The following COL5A1 variants were observed in gnomAD, a reference collection of about 807,000 sequenced individuals.
COL5A1 encodes the protein collagen alpha-1(V) chain.
A neutral mutation model predicts 263.7 loss-of-function variants in COL5A1; 16 were observed. The observed-to-expected ratio is 0.06, with a 90% CI of 0.04 to 0.09. COL5A1 has a LOEUF of 0.09. Among genes scored for constraint, COL5A1 ranks in the 10% least tolerant of loss-of-function variants. The pLI is 1.00. For missense variants in COL5A1, 2,036 were observed against 2,540.5 expected (o/e 0.80, Z 4.27); for synonymous variants, 1,012 against 1,004.5 (o/e 1.01, Z -0.14).
At chr9:134,713,876 G>C (rs1834155198) in intron 4 of COL5A1, among the ~76,000 whole-genome samples, 1 of 152,168 alleles carries the variant, frequency 6.6e-6, no homozygotes, top group South Asian at 2.1e-4. Flanking sequence ...GCCCCAGTGT[G>C]GGGTCTTGTC....
intron 2 of COL5A1, 152 bp from the exon 3 acceptor site, chr9:134,699,757 G>C: frequency 1.3e-6 from 1 of 773,076 alleles, no homozygotes; most frequent in Non-Finnish European, 2.2e-6. Flanking sequence ...GGAGCAGTTT[G>C]ATCAAGGGGC....
At chr9:134,654,497 T>TG (rs1831848952) in intron 1 of COL5A1, among the ~76,000 whole-genome samples, 3 of 94,796 alleles carry the variant, frequency 3.2e-5, no homozygotes, top group East Asian at 4.0e-4. Flanking sequence ...TGTGTAGAGC[T>TG]GGTGTGTGTA....
intron 1 of COL5A1, among the ~76,000 whole-genome samples, chr9:134,671,692 G>A (rs962216308): frequency 6.6e-6 from 1 of 152,194 alleles, no homozygotes; most frequent in African/African-American, 2.4e-5. Context: ...GGACAGAGAG[G>A]GGCTTTCATT....
At chr9:134,756,897 T>C in intron 17 of COL5A1, 79 bp downstream of exon 17, 1 of 1,367,914 alleles carries the variant, frequency 7.3e-7, no homozygotes. Context: ...ACCAAAATGC[T>C]GGTTATGTGA....
chr9:134,734,825 A>T (rs868517740), intron 9 of COL5A1, among the ~76,000 whole-genome samples: 2 of 152,162 alleles, frequency 1.3e-5, no homozygotes, highest in Non-Finnish European at 1.5e-5. Flanking sequence ...TTTTGTTTTT[A>T]AAATATGTGC....
At chr9:134,835,874 C>T (rs551713698) in intron 65 of COL5A1, among the ~76,000 whole-genome samples, 16 of 152,330 alleles carry the variant, frequency 1.1e-4, no homozygotes, top group Non-Finnish European at 2.1e-4. Flanking sequence ...CCAGGGCCAT[C>T]GCACAGGTCT....
At chr9:134,774,309 G>T (rs1836973721) in intron 26 of COL5A1, among the ~76,000 whole-genome samples, 1 of 152,214 alleles carries the variant, frequency 6.6e-6, no homozygotes, top group Non-Finnish European at 1.5e-5. Flanking sequence ...TGGAAAGGGG[G>T]CTGGGAGGGA....
chr9:134,784,939 A>AGCCGG, intron 29 of COL5A1, 50 bp from the exon 30 acceptor site: 1 of 1,270,842 alleles, frequency 7.9e-7, no homozygotes. Flanking sequence ...GGTGGAGAAT[A>AGCCGG]GTGTGTGTGC....
In COL5A1 at chr9:134,765,641, CT is replaced by C. The variant is rs764929737; in HGVS notation, c.2035-39del. 1 of 1,585,818 alleles carries C rather than the reference CT, an allele frequency of 6.3e-7. No homozygotes were observed. The highest frequency in any genetic ancestry group is 8.7e-7 in the Non-Finnish European group (1 of 1,154,336). ...GGGACAGAGAGGAGGGCTGGGATTT[CT>C]GCCCGAGTTTAAATCCTATTTTCCC... On this transcript the variant is annotated intron_variant, in intron 20 of 65. Transcript: ENST00000371817. The surrounding 1 kb of genome is among the most constrained non-coding windows in gnomAD (Gnocchi z 5.1).
Position 134,843,933 on chromosome 9 carries a change from T to G in COL5A1, c.*1630T>G, listed in dbSNP as rs1313638865. ...GGTGAGGTCCCCTTTGGGGAACCCT[T>G]TCCTGGCCATCGAGGTCGGGGGGCT... On this transcript the variant is annotated 3_prime_UTR_variant, in exon 66 of 66. Coordinates refer to ENST00000371817, the MANE Select transcript of COL5A1 (RefSeq NM_000093.5). 2.0e-5 allele frequency: 3 copies of G among 152,368 alleles called. No individual in the cohort carries two copies. The highest frequency in any genetic ancestry group is 2.0e-4 in the Admixed American group (3 of 15,288). 9.4% of individuals were successfully genotyped at this position (152,368 alleles called of 1,614,324 possible). A position where few individuals can be genotyped will look rare whatever the true frequency, so the allele number is the denominator to read the frequency against.
chr9:134,665,696 G>C (rs1181539659), intron 1 of COL5A1, among the ~76,000 whole-genome samples: 1 of 152,214 alleles, frequency 6.6e-6, no homozygotes, highest in Non-Finnish European at 1.5e-5. Flanking sequence ...GGACAGGGAC[G>C]TGGGGCTGGC....
intron 63 of COL5A1, among the ~76,000 whole-genome samples, chr9:134,826,924 A>C (rs1010722037): frequency 6.6e-6 from 1 of 152,052 alleles, no homozygotes; most frequent in Non-Finnish European, 1.5e-5. Flanking sequence ...GTGTGTTGCT[A>C]TCCCTCAAGC....
intron 58 of COL5A1, 93 bp downstream of exon 58, chr9:134,820,316 C>A: frequency 1.0e-6 from 1 of 979,508 alleles, no homozygotes; most frequent in Non-Finnish European, 1.6e-6. Context: ...CCATCAGAGC[C>A]CGGAAGGACG....
At position 134,756,595 on chromosome 9, in the gene COL5A1, C is replaced by T. The variant is rs12004527; in HGVS notation, c.1828-170C>T. On this transcript the variant is annotated intron_variant, in intron 16 of 65. Coordinates refer to ENST00000371817, the MANE Select transcript of COL5A1 (RefSeq NM_000093.5). Reference sequence around the variant, plus strand: ...GTGTGAGGCACAGAACAGCCCCGCCCGGGCTCCTGGATCTGGGTCCTCGCA... The same window carrying T: ...GTGTGAGGCACAGAACAGCCCCGCCTGGGCTCCTGGATCTGGGTCCTCGCA... 0.056 allele frequency among the ~76,000 whole-genome samples: 8,557 copies of T among 152,276 alleles called. 795 individuals carry two copies. Among genetic ancestry groups the T allele is most frequent in the African/African-American group, 0.2 (8,115 of 41,532 alleles).
chr9:134,797,535 T>C (rs1474800488), intron 36 of COL5A1, among the ~76,000 whole-genome samples: 2 of 152,140 alleles, frequency 1.3e-5, no homozygotes, highest in East Asian at 1.9e-4. Flanking sequence ...CAGGCTGGAG[T>C]GCATTGGCTC....
At chr9:134,761,228 C>T (rs1435758057) in intron 18 of COL5A1, among the ~76,000 whole-genome samples, 1 of 149,472 alleles carries the variant, frequency 6.7e-6, no homozygotes, top group Non-Finnish European at 1.5e-5. Flanking sequence ...CATGCACACA[C>T]CCCACATACC....
At chr9:134,746,088 T>G (rs1243554052) in intron 11 of COL5A1, among the ~76,000 whole-genome samples, 1 of 152,188 alleles carries the variant, frequency 6.6e-6, no homozygotes, top group Admixed American at 6.5e-5. Flanking sequence ...TTTCAGGACC[T>G]GGATGTACCT....
In COL5A1 at chr9:134,742,062, C is replaced by T. The variant is rs1360314644; in HGVS notation, c.1494+3254C>T. 6.6e-6 allele frequency among the ~76,000 whole-genome samples: 1 copy of T among 152,224 alleles called. No individual in the cohort carries two copies. The highest frequency in any genetic ancestry group is 1.9e-4 in the East Asian group (1 of 5,180). On this transcript the variant is annotated intron_variant, in intron 11 of 65. Coordinates refer to ENST00000371817, the MANE Select transcript of COL5A1 (RefSeq NM_000093.5). The surrounding 1 kb of genome is among the most constrained non-coding windows in gnomAD (Gnocchi z 4.6). ...CCGTGGCATCCCACTGGGTATCATG[C>T]AGCCCTGACCAGCTGCTGAAGCCCA...
In COL5A1 at chr9:134,652,941, G is replaced by A. The variant is rs959774427; in HGVS notation, c.109+10645G>A. The A allele has an allele frequency of 1.3e-5, 4 of 316,160 alleles. No homozygotes were observed. Among genetic ancestry groups the A allele is most frequent in the South Asian group, 5.1e-5 (2 of 39,340 alleles). The allele number at this position is 316,160 out of a possible 1,614,324, so 19.6% of individuals were successfully genotyped here. ...TCCCAGACCACGCGGATGCTGGAGCGTCTGGGGGTGCCACACTTTGCAAAC... is the reference window on the plus strand; with the variant it reads ...TCCCAGACCACGCGGATGCTGGAGCATCTGGGGGTGCCACACTTTGCAAAC... On this transcript the variant is annotated intron_variant, in intron 1 of 65. Transcript: ENST00000371817. This position sits in a 1 kb window ranked among gnomAD's most constrained non-coding sequence, Gnocchi z 4.4.
Sources: allele counts gnomAD v4.1 joint callset (sites outside exome capture counted in the v4.1 genomes callset), GRCh38; gene constraint gnomAD v4.1.1; non-coding constraint Gnocchi (gnomAD v3.1); transcripts MANE v1.5; gene names NCBI Gene and HGNC (gene_info 2026-07-23, HGNC 2026-07-21).